The following JARID2 variants were observed in gnomAD, a reference collection of about 807,000 sequenced individuals.
JARID2 encodes jumonji and AT-rich interaction domain containing 2.
Under a neutral mutation model 125.6 loss-of-function variants are expected in JARID2, and 21 were observed. That is an observed-to-expected ratio of 0.17 (90% confidence interval 0.12 to 0.24). JARID2 has a LOEUF of 0.24. Among genes scored for constraint, JARID2 ranks in the 10% least tolerant of loss-of-function variants. JARID2 has a pLI of 1.00. For missense variants in JARID2, 1,303 were observed against 1,639.6 expected (o/e 0.79, Z 3.55); for synonymous variants, 736 against 661.6 (o/e 1.11, Z -1.73).
At chr6:15,356,623 G>T (rs1763609255) in intron 1 of JARID2, among the ~76,000 whole-genome samples, 1 of 152,052 alleles carries the variant, frequency 6.6e-6, no homozygotes, top group Non-Finnish European at 1.5e-5. Flanking sequence ...TTATTAATGT[G>T]CACATTTTCC....
intron 5 of JARID2, among the ~76,000 whole-genome samples, chr6:15,470,756 A>G (rs1769037075): frequency 6.6e-6 from 1 of 152,182 alleles, no homozygotes; most frequent in Non-Finnish European, 1.5e-5. Flanking sequence ...GCATATGTGA[A>G]TTGGAATGCA....
chr6:15,465,035 T>A (rs971960042), intron 4 of JARID2, among the ~76,000 whole-genome samples: 1 of 152,180 alleles, frequency 6.6e-6, no homozygotes, highest in African/African-American at 2.4e-5. Context: ...TAATCTTTCT[T>A]CCATTTTAGC....
At chr6:15,340,101 A>G (rs937756690) in intron 1 of JARID2, among the ~76,000 whole-genome samples, 1 of 152,094 alleles carries the variant, frequency 6.6e-6, no homozygotes, top group Non-Finnish European at 1.5e-5. Context: ...CTGGGATTAC[A>G]GGTGCATGCC....
At chr6:15,275,521 A>ACCCCC (rs1228449106) in intron 1 of JARID2, among the ~76,000 whole-genome samples, 7 of 12,622 alleles carry the variant, frequency 5.5e-4, no homozygotes, top group East Asian at 3.2e-3. Context: ...AAGTCCATTT[A>ACCCCC]CCGCCCCCCC....
chr6:15,516,539 TG>T (rs1261601838), intron 16 of JARID2, among the ~76,000 whole-genome samples: 7 of 152,108 alleles, frequency 4.6e-5, no homozygotes, highest in Non-Finnish European at 8.8e-5. Flanking sequence ...CCGGGGCTGG[TG>T]GGTGAGGTCA....
chr6:15,449,868 G>GT (rs1208287537), intron 3 of JARID2, among the ~76,000 whole-genome samples: 2 of 152,178 alleles, frequency 1.3e-5, no homozygotes, highest in East Asian at 3.9e-4. Context: ...ACACTGCTTA[G>GT]GACATACAAG....
In JARID2 at chr6:15,520,605, T is replaced by A. The variant is rs1027402065; in HGVS notation, c.*354T>A. On this transcript the variant is annotated 3_prime_UTR_variant, in exon 18 of 18. Coordinates refer to ENST00000341776, the MANE Select transcript of JARID2 (RefSeq NM_004973.4). ...GGGAAAAAGGCTTTTTAACCCATTT[T>A]TGAAGAGGGTGAAGTTTGGAGAACA... The A allele has an allele frequency of 1.1e-5, 3 of 282,288 alleles. No individual in the cohort carries two copies. Among genetic ancestry groups the A allele is most frequent in the African/African-American group, 6.8e-5 (3 of 44,292 alleles). 17.5% of individuals were successfully genotyped at this position (282,288 alleles called of 1,614,324 possible). A position where few individuals can be genotyped will look rare whatever the true frequency, so the allele number is the denominator to read the frequency against.
At chr6:15,406,461 C>A (rs1205032722) in intron 2 of JARID2, among the ~76,000 whole-genome samples, 1 of 152,000 alleles carries the variant, frequency 6.6e-6, no homozygotes, top group Non-Finnish European at 1.5e-5. Context: ...AGCCTATGGC[C>A]CTTTAATTTG....
intron 1 of JARID2, among the ~76,000 whole-genome samples, chr6:15,293,415 A>G (rs1263140974): frequency 6.6e-6 from 1 of 152,220 alleles, no homozygotes; most frequent in Non-Finnish European, 1.5e-5. Context: ...ATTCCATCTC[A>G]ACAAAAACCC....
intron 1 of JARID2, among the ~76,000 whole-genome samples, chr6:15,315,416 C>T (rs917998121): frequency 2.6e-5 from 4 of 152,274 alleles, no homozygotes; most frequent in East Asian, 1.9e-4. Context: ...TTATTTGACC[C>T]GTTGCTTTGT....
chr6:15,520,076 T>TTATC lies in JARID2; in HGVS notation c.3567_3570dup (p.Ser1191TyrfsTer14), dbSNP rs781267932. 1 of 1,611,570 alleles carries TTATC rather than the reference T, an allele frequency of 6.2e-7. No homozygotes were observed. The highest frequency in any genetic ancestry group is 8.5e-7 in the Non-Finnish European group (1 of 1,178,990). On this transcript the variant is annotated frameshift_variant, in exon 18 of 18. Transcript: ENST00000341776. LOFTEE classifies it high-confidence loss of function. Reference sequence around the variant, plus strand: ...CCTTTCACCCCCAAACAGGAACAGATTATCAGTCTGGTCAATCAGATCTGC... The same window carrying TTATC: ...CCTTTCACCCCCAAACAGGAACAGATTATCTATCAGTCTGGTCAATCAGATCTGC...
At chr6:15,254,055 A>G (rs1051815165) in intron 1 of JARID2, among the ~76,000 whole-genome samples, 2 of 152,154 alleles carry the variant, frequency 1.3e-5, no homozygotes, top group Non-Finnish European at 2.9e-5. Flanking sequence ...TTGCTTGGGA[A>G]AGTTGGAAGG....
chr6:15,435,507 ATCAAGT>A (rs1251583469), intron 3 of JARID2, among the ~76,000 whole-genome samples: 2 of 152,172 alleles, frequency 1.3e-5, no homozygotes, highest in African/African-American at 4.8e-5. Context: ...TGCTAGGGAA[ATCAAGT>A]TCAGGTTTGT....
Position 15,429,296 on chromosome 6 carries a change from A to G in JARID2, c.323+18931A>G, listed in dbSNP as rs116479416. 3.9e-3 allele frequency among the ~76,000 whole-genome samples: 594 copies of G among 151,078 alleles called. 4 individuals carry two copies. Among genetic ancestry groups the G allele is most frequent in the Middle Eastern group, 0.024 (7 of 294 alleles). The stretch of plus-strand genomic sequence containing the variant: ...TTTTTTTTGAGGTAGTTGTGGTCTC[A>G]CTCTGTCACCCAGGCTGGAATGCAA... On this transcript the variant is annotated intron_variant, in intron 3 of 17. Transcript: ENST00000341776.
chr6:15,501,183 C>T lies in JARID2; in HGVS notation c.2222C>T (p.Thr741Ile), dbSNP rs147485304. 1,604 of 1,614,136 alleles carry T rather than the reference C, an allele frequency of 9.9e-4. 7 individuals carry two copies. Among genetic ancestry groups the T allele is most frequent in the Non-Finnish European group, 4.9e-4 (574 of 1,180,018 alleles). ...CGCAAGGGGCCGCTGGAAGGCCACACAGAGAACGACCACCACAAGTTCCAC... is the reference window on the plus strand; with the variant it reads ...CGCAAGGGGCCGCTGGAAGGCCACATAGAGAACGACCACCACAAGTTCCAC... ...EKRKGPLEGHTENDHHKFHPL... is the reference protein window; with the variant it reads ...EKRKGPLEGHIENDHHKFHPL... Residue 741 changes from threonine to isoleucine, a missense_variant, in exon 8 of 18, where the codon ACA becomes ATA. Physicochemically the swap from Thr to Ile is moderately conservative, Grantham distance 89 (BLOSUM62 -1). This residue lies in a region of JARID2 where 124 missense variants were observed against 131.0 expected (regional missense o/e 0.95). Transcript: ENST00000341776.
chr6:15,384,748 C>G (rs925645100), intron 2 of JARID2, among the ~76,000 whole-genome samples: 6 of 152,264 alleles, frequency 3.9e-5, no homozygotes, highest in Middle Eastern at 3.4e-3. Context: ...CATGTGCCAT[C>G]ATGTCCAGCA....
chr6:15,366,828 T>C (rs1014191214), intron 1 of JARID2, among the ~76,000 whole-genome samples: 5 of 152,166 alleles, frequency 3.3e-5, no homozygotes, highest in Admixed American at 6.5e-5. Flanking sequence ...CAGGTTGTTA[T>C]TTAAAACATT....
intron 1 of JARID2, among the ~76,000 whole-genome samples, chr6:15,278,687 G>A (rs558876173): frequency 6.6e-6 from 1 of 152,306 alleles, no homozygotes; most frequent in South Asian, 2.1e-4. Context: ...GGAAGGGTCT[G>A]GGGGGACATG....
intron 1 of JARID2, among the ~76,000 whole-genome samples, chr6:15,260,243 GAACTTCTGAACTTGACTTACTTTGA>G (rs1759819614): frequency 6.6e-6 from 1 of 152,142 alleles, no homozygotes; most frequent in Non-Finnish European, 1.5e-5. Context: ...ATTTAATAGT[GAACTTCTGAACTTGACTTACTTTGA>G]GGGGAGCGAT....
Sources: allele counts gnomAD v4.1 joint callset (sites outside exome capture counted in the v4.1 genomes callset), GRCh38; gene constraint gnomAD v4.1.1; regional missense constraint gnomAD v4.1.1; transcripts MANE v1.5; gene names NCBI Gene and HGNC (gene_info 2026-07-23, HGNC 2026-07-21).